The following ADCK1 variants were observed in gnomAD, a reference collection of about 807,000 sequenced individuals.
ADCK1 encodes the protein aarF domain containing kinase 1.
A neutral mutation model predicts 52.3 loss-of-function variants in ADCK1; 41 were observed. The observed-to-expected ratio is 0.78, with a 90% confidence interval of 0.61 to 1.02. The LOEUF is 1.02. Among genes scored for constraint, ADCK1 ranks in the 50% least tolerant of loss-of-function variants. The pLI, the probability that ADCK1 is intolerant of heterozygous loss-of-function variation, is 0.00. For synonymous variants in ADCK1, 250 were observed against 274.6 expected, an observed-to-expected ratio of 0.91 and a Z score of 0.89; for missense variants, 658 against 679.5, an observed-to-expected ratio of 0.97 and a Z score of 0.35.
intron 1 of ADCK1, among the ~76,000 whole-genome samples, chr14:77,810,531 CTTTT>C (rs1185694274): frequency 3.7e-5 from 5 of 135,760 alleles, no homozygotes; most frequent in African/African-American, 5.4e-5. Flanking sequence ...AGGCTGGGTT[CTTTT>C]TTTTTTTTTT....
chr14:77,878,592 C>G (rs2082949831), intron 4 of ADCK1, among the ~76,000 whole-genome samples: 1 of 152,200 alleles, frequency 6.6e-6, no homozygotes, highest in Non-Finnish European at 1.5e-5. Flanking sequence ...CACTTGGCCT[C>G]TGGGGCTCAG....
intron 1 of ADCK1, among the ~76,000 whole-genome samples, chr14:77,816,881 A>AATAT (rs71128689): frequency 0.012 from 1,278 of 109,986 alleles, 45 homozygotes; most frequent in African/African-American, 0.033. Context: ...GTAGATGGTA[A>AATAT]ATATATATAT....
At chr14:77,895,044 C>A (rs781638228) in intron 5 of ADCK1, among the ~76,000 whole-genome samples, 4 of 152,190 alleles carry the variant, frequency 2.6e-5, no homozygotes, top group Non-Finnish European at 5.9e-5. Flanking sequence ...TGAGCTACCA[C>A]GCTTGGCCCA....
rs889923682 is a variant in ADCK1, at chr14:77,859,265, G to T, written c.409G>T (p.Asp137Tyr). 3 of 1,613,540 alleles carry T rather than the reference G, an allele frequency of 1.9e-6. No individual in the cohort carries two copies. The African/African-American group carries it at 4.0e-5, about 22-fold the overall frequency. ...MQEIRQVIRE[D>Y]LGKEIHDLFQ... ...AGAGATCCGCCAGGTCATCCGAGAAGATCTGGGCAAGGAGGTACCCACCTT... is the reference window on the plus strand; with the variant it reads ...AGAGATCCGCCAGGTCATCCGAGAATATCTGGGCAAGGAGGTACCCACCTT... Residue 137 changes from aspartate (D) to tyrosine (Y), a missense_variant, in exon 4 of 11, where the codon GAT becomes TAT. Physicochemically the swap from Asp to Tyr is radical, Grantham distance 160. Coordinates refer to ENST00000238561, the MANE Select transcript of ADCK1 (RefSeq NM_020421.4).
At chr14:77,928,092 C>T (rs550408723) in intron 9 of ADCK1, among the ~76,000 whole-genome samples, 1 of 152,148 alleles carries the variant, frequency 6.6e-6, no homozygotes, top group East Asian at 1.9e-4. Context: ...GCAGTGGAGC[C>T]AAGGTGTGTT....
chr14:77,907,626 G>T (rs1182113469), intron 6 of ADCK1, among the ~76,000 whole-genome samples, 177 bp from the exon 7 acceptor site: 1 of 152,246 alleles, frequency 6.6e-6, no homozygotes, highest in Non-Finnish European at 1.5e-5. Context: ...GGAGTAGCCA[G>T]CCTCCCTCTT....
chr14:77,852,684 T>A (rs1354125795), intron 3 of ADCK1, among the ~76,000 whole-genome samples: 3 of 77,884 alleles, frequency 3.9e-5, no homozygotes, highest in African/African-American at 1.1e-4. Flanking sequence ...TATATATATA[T>A]ATATATATAT....
At position 77,921,405 on chromosome 14, in the gene ADCK1, T is replaced by G. The variant is rs570502908; in HGVS notation, c.859-3052T>G. Among the ~76,000 whole-genome samples, 10 of 149,516 alleles carry G rather than the reference T, an allele frequency of 6.7e-5. 1 individual carries two copies. The highest frequency in any genetic ancestry group is 9.8e-5 in the African/African-American group (4 of 40,698). The stretch of plus-strand genomic sequence containing the variant: ...AAACTGTGGTGTGCGTCTTATAGTG[T>G]GTAAAGTGCTTTCTCATATGTGATC... On this transcript the variant is annotated intron_variant, in intron 7 of 10. Transcript: ENST00000238561.
At chr14:77,887,296 C>CCTGG in intron 5 of ADCK1, 47 bp downstream of exon 5, 2 of 1,493,350 alleles carry the variant, frequency 1.3e-6, no homozygotes, top group Non-Finnish European at 1.8e-6. Context: ...TCTACATTTC[C>CCTGG]CTGGGATCCA....
chr14:77,931,469 C>T, intron 9 of ADCK1, 49 bp from the exon 10 acceptor site: 1 of 1,579,058 alleles, frequency 6.3e-7, no homozygotes, highest in Non-Finnish European at 8.6e-7. Context: ...ACCCCTGGCC[C>T]CACTGCCCAT....
At chr14:77,863,510 C>G (rs2140147474) in intron 4 of ADCK1, among the ~76,000 whole-genome samples, 1 of 152,232 alleles carries the variant, frequency 6.6e-6, no homozygotes, top group African/African-American at 2.4e-5. Flanking sequence ...CCATGACATA[C>G]AGACAAGTCA....
chr14:77,899,530 A>G (rs576294056), intron 6 of ADCK1, among the ~76,000 whole-genome samples: 2 of 152,370 alleles, frequency 1.3e-5, no homozygotes, highest in East Asian at 1.9e-4. Flanking sequence ...GCCTTAGCCA[A>G]GAACCTATAT....
At chr14:77,916,032 C>A (rs8006523) in intron 7 of ADCK1, among the ~76,000 whole-genome samples, 114,178 of 152,122 alleles carry the variant, frequency 0.75, 43,321 homozygotes, top group African/African-American at 0.85. Flanking sequence ...ATGTGGTGCT[C>A]GTAGTACATT....
rs551102068 is a variant in ADCK1, at chr14:77,896,120, C to A, written c.583-2980C>A. 1.7e-4 allele frequency among the ~76,000 whole-genome samples: 26 copies of A among 151,986 alleles called. No individual in the cohort carries two copies. In the South Asian group the frequency reaches 5.4e-3, roughly 32 times the overall value. On this transcript the variant is annotated intron_variant, in intron 5 of 10. Transcript: ENST00000238561. ...TTATGATTAATGATGTCAGGTATTA[C>A]CAAGTGTTAATAATAATGAATAGTA...
intron 5 of ADCK1, among the ~76,000 whole-genome samples, chr14:77,898,715 G>T (rs2083464645): frequency 6.6e-6 from 1 of 152,098 alleles, no homozygotes; most frequent in African/African-American, 2.4e-5. Context: ...TAGGTGATGG[G>T]TTGATAGGTG....
intron 5 of ADCK1, among the ~76,000 whole-genome samples, chr14:77,893,542 G>A (rs953223358): frequency 1.3e-5 from 2 of 151,996 alleles, no homozygotes; most frequent in African/African-American, 2.4e-5. Context: ...GCACTACTGG[G>A]CCCCAAGGTG....
chr14:77,861,918 A>C (rs1185056305), intron 4 of ADCK1, among the ~76,000 whole-genome samples: 2 of 152,232 alleles, frequency 1.3e-5, no homozygotes, highest in African/African-American at 2.4e-5. Flanking sequence ...ATCAGCTGGC[A>C]CCATCAGTGC....
intron 3 of ADCK1, among the ~76,000 whole-genome samples, chr14:77,833,740 A>G (rs2081905752): frequency 6.6e-6 from 1 of 152,136 alleles, no homozygotes; most frequent in Non-Finnish European, 1.5e-5. Flanking sequence ...CTGGGGGTTA[A>G]TGTGGGCCTG....
intron 7 of ADCK1, among the ~76,000 whole-genome samples, chr14:77,912,433 CGTGTGT>C (rs57555913): frequency 0.093 from 12,817 of 138,146 alleles, 596 homozygotes; most frequent in Middle Eastern, 0.11. Context: ...TACGGAGGAG[CGTGTGT>C]GTGTGTGTGT....
Sources: gnomAD v4.1 joint callset for allele counts (sites outside exome capture counted in the v4.1 genomes callset) on GRCh38, gnomAD v4.1.1 for gene constraint, MANE v1.5 for transcripts, NCBI Gene and HGNC (gene_info 2026-07-23, HGNC 2026-07-21) for gene names.